The following ZSCAN23 variants were observed in gnomAD, a reference collection of about 807,000 sequenced individuals.
ZSCAN23 encodes the protein zinc finger and SCAN domain containing 23.
A neutral mutation model predicts 19.3 loss-of-function variants in ZSCAN23; 19 were observed. The observed-to-expected ratio is 0.99, with a 90% CI of 0.69 to 1.45. The LOEUF is 1.45. ZSCAN23 is among the 40% of genes most tolerant of loss of function. The pLI, the probability that ZSCAN23 is intolerant of heterozygous loss-of-function variation, is 0.00. For missense variants in ZSCAN23, 372 were observed against 462.5 expected (o/e 0.80, Z 1.79); for synonymous variants, 140 against 166.2 (o/e 0.84, Z 1.21).
the ZSCAN23 span, among the ~76,000 whole-genome samples, chr6:28,425,214 C>G: frequency 6.6e-6 from 1 of 152,188 alleles, no homozygotes; most frequent in African/African-American, 2.4e-5. Context: ...TAGGTCTCAA[C>G]AGTGGGCTTA....
Position 28,434,965 on chromosome 6 carries a change from G to C in ZSCAN23, c.670C>G (p.Pro224Ala). ...GKQNGNITQI[P>A]EYGDTCDREG... ...CGGTCACAGGTATCTCCATACTCAG[G>C]AATCTGAGTAATATTACCATTCTGT... The change falls in exon 4 of 4, where the codon CCT becomes GCT. Residue 224 changes from proline to alanine, a missense_variant. Physicochemically the swap from Pro to Ala is conservative, Grantham distance 27 (BLOSUM62 -1). Coordinates refer to ENST00000289788, the MANE Select transcript of ZSCAN23 (RefSeq NM_001012455.2). 1 of 1,551,688 alleles carries C rather than the reference G, an allele frequency of 6.4e-7. No individual in the cohort carries two copies. The highest frequency in any genetic ancestry group is 8.7e-7 in the Non-Finnish European group (1 of 1,146,974).
chr6:28,434,729 C>T lies in ZSCAN23; in HGVS notation c.906G>A (p.Glu302=). 4 of 1,600,396 alleles carry T rather than the reference C, an allele frequency of 2.5e-6. No individual in the cohort carries two copies. The highest frequency in any genetic ancestry group is 1.1e-5 in the South Asian group (1 of 89,150). The change falls in exon 4 of 4, where the codon GAG becomes GAA. Residue 302 remains glutamate (E), a synonymous_variant. Coordinates refer to ENST00000289788, the MANE Select transcript of ZSCAN23 (RefSeq NM_001012455.2). ...CACAAACACTGCACTGGTAGCGCTT[C>T]TCCCCAGTGTGGAGTCTCTGGTGCT... The part of the protein sequence containing the change: ...LFQHQRLHTG[E]KRYQCSVCGK...
intron 1 of ZSCAN23, among the ~76,000 whole-genome samples, chr6:28,440,391 C>T (rs1354401714): frequency 3.3e-5 from 5 of 152,180 alleles, no homozygotes; most frequent in East Asian, 1.9e-4. Flanking sequence ...TAACTCTAGC[C>T]GCTGTGTCAA....
chr6:28,441,771 CAT>C (rs1762006322), intron 1 of ZSCAN23, among the ~76,000 whole-genome samples: 2 of 151,536 alleles, frequency 1.3e-5, no homozygotes, highest in African/African-American at 4.9e-5. Flanking sequence ...CATGTATACA[CAT>C]GTGCACACAT....
downstream of ZSCAN23, among the ~76,000 whole-genome samples, chr6:28,430,496 G>C (rs1184723552): frequency 6.6e-6 from 1 of 152,156 alleles, no homozygotes; most frequent in Non-Finnish European, 1.5e-5. Context: ...TGAGGAAAAC[G>C]GGGAAGATGT....
rs1242530868 is a variant in ZSCAN23 at position 28,433,061 on chromosome 6, C to G, written c.*1404G>C. On this transcript the variant is annotated 3_prime_UTR_variant, in exon 4 of 4. Transcript: ENST00000289788. ...TTTTAAAAGCTAAAAATAATAATTA[C>G]AAAAATAAAATGCTTTCAATGAGGA... The G allele has an allele frequency of 6.6e-6, 1 of 151,890 alleles. No homozygotes were observed. Among genetic ancestry groups the G allele is most frequent in the African/African-American group, 2.4e-5 (1 of 41,362 alleles). The allele number at this position is 151,890 out of a possible 1,614,324, so 9.4% of individuals were successfully genotyped here.
chr6:28,423,316 A>G, the ZSCAN23 span, among the ~76,000 whole-genome samples: 3 of 152,364 alleles, frequency 2.0e-5, no homozygotes, highest in East Asian at 5.8e-4. Context: ...ACTACGCTAG[A>G]GAAGTTATCT....
chr6:28,439,535 ATGTACTG>A (rs1345891724), intron 1 of ZSCAN23, among the ~76,000 whole-genome samples: 1 of 152,166 alleles, frequency 6.6e-6, no homozygotes, highest in Non-Finnish European at 1.5e-5. Flanking sequence ...ACCATATTCC[ATGTACTG>A]TTCTAGGCAC....
At chr6:28,426,440 T>C in the ZSCAN23 span, among the ~76,000 whole-genome samples, 1 of 152,166 alleles carries the variant, frequency 6.6e-6, no homozygotes, top group Non-Finnish European at 1.5e-5. Context: ...GGTTGGTTGG[T>C]GGAAGAGTCA....
At chr6:28,428,429 T>A (rs530600852), downstream of ZSCAN23, among the ~76,000 whole-genome samples, 16 of 152,374 alleles carry the variant, frequency 1.1e-4, no homozygotes, top group Non-Finnish European at 2.1e-4. Context: ...TTATTTTATT[T>A]AAAGAATACA....
At chr6:28,435,834 A>C (rs776813796) in intron 2 of ZSCAN23, 25 bp downstream of exon 2, 2 of 1,541,866 alleles carry the variant, frequency 1.3e-6, no homozygotes, top group South Asian at 2.6e-5. Flanking sequence ...TATAGGTACA[A>C]ATCCCTGTTC....
downstream of ZSCAN23, among the ~76,000 whole-genome samples, chr6:28,427,605 A>C (rs1477541743): frequency 1.3e-5 from 2 of 152,240 alleles, no homozygotes; most frequent in Non-Finnish European, 2.9e-5. Flanking sequence ...ATCTAAACAC[A>C]GAAAAGGTAT....
chr6:28,427,972 G>A (rs994140273), downstream of ZSCAN23, among the ~76,000 whole-genome samples: 1 of 152,168 alleles, frequency 6.6e-6, no homozygotes, highest in Non-Finnish European at 1.5e-5. Context: ...CTAGCTATTT[G>A]GGAGGCTGAG....
At chr6:28,426,818 T>C in the ZSCAN23 span, among the ~76,000 whole-genome samples, 1 of 152,066 alleles carries the variant, frequency 6.6e-6, no homozygotes, top group African/African-American at 2.4e-5. Flanking sequence ...AAAGTTTGTC[T>C]GTTTGTTTGA....
chr6:28,441,954 T>G, intron 1 of ZSCAN23, among the ~76,000 whole-genome samples: 1 of 150,716 alleles, frequency 6.6e-6, no homozygotes, highest in Admixed American at 6.6e-5. Context: ...TCGGCTCACT[T>G]GCAACCTCTG....
chr6:28,430,290 G>T, downstream of ZSCAN23, among the ~76,000 whole-genome samples: 1 of 152,046 alleles, frequency 6.6e-6, no homozygotes, highest in East Asian at 1.9e-4. Flanking sequence ...GCTGATGGGG[G>T]TGTAGGAGTC....
chr6:28,441,783 T>C lies in ZSCAN23; in HGVS notation c.-78+1616A>G, dbSNP rs932346514. Among the ~76,000 whole-genome samples, 9 of 151,502 alleles carry C rather than the reference T, an allele frequency of 5.9e-5. 1 individual carries two copies. Among genetic ancestry groups the C allele is most frequent in the African/African-American group, 7.3e-5 (3 of 41,198 alleles). Reference sequence around the variant, plus strand: ...ACACATGTATACACATGTGCACACATAGAGTTGATATAAGCCCATATATTT... The same window carrying C: ...ACACATGTATACACATGTGCACACACAGAGTTGATATAAGCCCATATATTT... On this transcript the variant is annotated intron_variant, in intron 1 of 3. Coordinates refer to ENST00000289788, the MANE Select transcript of ZSCAN23 (RefSeq NM_001012455.2).
chr6:28,435,958 C>A lies in ZSCAN23; in HGVS notation c.309G>T (p.Glu103Asp). The A allele has an allele frequency of 6.2e-7, 1 of 1,614,210 alleles. No homozygotes were observed. Among genetic ancestry groups the A allele is most frequent in the African/African-American group, 1.3e-5 (1 of 75,062 alleles). The change falls in exon 2 of 4, where the codon GAG (glutamate) becomes GAT (aspartate). Residue 103 changes from glutamate (E) to aspartate (D), a missense_variant. Physicochemically the swap from Glu to Asp is conservative, Grantham distance 45. Transcript: ENST00000289788. ...GGTGCTGTCTGACCCAGGCCTGGAG[C>A]TCCTCAGGCAGGATAGTCAGGAACT... ...LEQFLTILPE[E>D]LQAWVRQHRP...
chr6:28,442,766 G>C (rs1196491673), intron 1 of ZSCAN23, among the ~76,000 whole-genome samples: 1 of 152,176 alleles, frequency 6.6e-6, no homozygotes, highest in Non-Finnish European at 1.5e-5. Flanking sequence ...CTACGACCTT[G>C]GGCAAGTTAC....
Sources: gnomAD v4.1 joint callset for allele counts (sites outside exome capture counted in the v4.1 genomes callset) on GRCh38, gnomAD v4.1.1 for gene constraint, MANE v1.5 for transcripts, NCBI Gene and HGNC (gene_info 2026-07-23, HGNC 2026-07-21) for gene names.